TGM6: variants seen among roughly 807,000 people sequenced by gnomAD.
TGM6 encodes transglutaminase 6.
TGM6 carries 74 observed loss-of-function variants against 77.5 expected under a neutral mutation model. The ratio of observed to expected loss-of-function variants is 0.96; its 90% CI spans 0.79 to 1.16. The LOEUF (loss-of-function observed/expected upper bound fraction) is 1.16. Ranked by LOEUF, TGM6 falls within the 50% of genes most tolerant of loss-of-function variation. The probability of loss-of-function intolerance (pLI) is 0.00; values close to 1 mark genes in which losing one functional copy is unlikely to be tolerated. For synonymous variants in TGM6, 383 were observed against 378.9 expected (o/e 1.01, Z -0.12); for missense variants, 968 against 940.2 (o/e 1.03, Z -0.39).
At chr20:2,417,166 C>G in intron 9 of TGM6, 66 bp from the exon 10 acceptor site, 1 of 1,472,610 alleles carries the variant, frequency 6.8e-7, no homozygotes. Flanking sequence ...GTTTGACTTC[C>G]ATGAGCCATA....
At chr20:2,392,910 G>A (rs1280600364) in intron 1 of TGM6, among the ~76,000 whole-genome samples, 4 of 152,094 alleles carry the variant, frequency 2.6e-5, no homozygotes, top group African/African-American at 9.7e-5. Context: ...TTCAGAAAAA[G>A]GAAGGTGCTT....
intron 4 of TGM6, among the ~76,000 whole-genome samples, 189 bp downstream of exon 4, chr20:2,396,813 G>A (rs530069582): frequency 6.6e-6 from 1 of 152,148 alleles, no homozygotes; most frequent in Non-Finnish European, 1.5e-5. Flanking sequence ...CTGGGGAAGG[G>A]GAGGTGCTTT....
chr20:2,403,480 C>T lies in TGM6; in HGVS notation c.1073C>T (p.Thr358Ile), dbSNP rs775263431. The T allele has an allele frequency of 6.2e-7, 1 of 1,614,114 alleles. No homozygotes were observed. Among genetic ancestry groups the T allele is most frequent in the Non-Finnish European group, 8.5e-7 (1 of 1,180,016 alleles). The change falls in exon 8 of 13, where the codon ACC (threonine) becomes ATC (isoleucine). Residue 358 changes from threonine (T) to isoleucine (I), a missense_variant. By Grantham distance (89) the Thr-to-Ile change is moderately conservative (BLOSUM62 -1). Coordinates refer to ENST00000202625, the MANE Select transcript of TGM6 (RefSeq NM_198994.3). ...SYNGWQVLDATPQEESEGVFR... is the reference protein window; with the variant it reads ...SYNGWQVLDAIPQEESEGVFR... ...AATGGCTGGCAGGTTCTGGATGCCA[C>T]CCCCCAGGAGGAGAGTGAAGGTACG...
At chr20:2,421,493 T>C (rs986693664) in intron 10 of TGM6, among the ~76,000 whole-genome samples, 1 of 152,336 alleles carries the variant, frequency 6.6e-6, no homozygotes, top group Non-Finnish European at 1.5e-5. Flanking sequence ...TTGTAATAGG[T>C]GTGTAATAGT....
chr20:2,395,805 C>T (rs1599948457), intron 3 of TGM6, among the ~76,000 whole-genome samples: 1 of 152,150 alleles, frequency 6.6e-6, no homozygotes, highest in East Asian at 1.9e-4. Context: ...TGGTGAACAC[C>T]CATAGGGCTA....
rs546787347 is a variant in TGM6 at position 2,403,978 on chromosome 20, C to T, written c.1336+155C>T. Among the ~76,000 whole-genome samples the T allele has an allele frequency of 3.3e-5, 5 of 152,338 alleles. No individual in the cohort carries two copies. The East Asian group carries it at 7.7e-4, about 24-fold the overall frequency. ...TTGTCTCTGTGCTCTGAGCCAAGTG[C>T]CTTTATTTAGGCTACATTAATAGCT... On this transcript the variant is annotated intron_variant, in intron 9 of 12. Transcript: ENST00000202625.
rs879234545 is a variant in TGM6, at chr20:2,403,291, C to T, written c.990-106C>T. On this transcript the variant is annotated intron_variant, in intron 7 of 12. Coordinates refer to ENST00000202625, the MANE Select transcript of TGM6 (RefSeq NM_198994.3). ...GAATGAGTGATTCACAACATGCAGC[C>T]ACAGTTCTTGTGGAAAGTAGGGAGC... 8.5e-6 allele frequency: 10 copies of T among 1,171,682 alleles called. No homozygotes were observed. In the South Asian group the frequency reaches 1.2e-4, roughly 14 times the overall value. 72.6% of individuals were successfully genotyped at this position (1,171,682 alleles called of 1,614,324 possible).
intron 11 of TGM6, 46 bp from the exon 12 acceptor site, chr20:2,430,848 G>A (rs1311436638): frequency 2.5e-6 from 4 of 1,613,944 alleles, no homozygotes; most frequent in Admixed American, 3.3e-5. Context: ...GTTTCCTGGA[G>A]GGAGGAGGGG....
chr20:2,427,540 T>C (rs1191026782), intron 10 of TGM6, among the ~76,000 whole-genome samples: 4 of 152,218 alleles, frequency 2.6e-5, no homozygotes, highest in African/African-American at 4.8e-5. Context: ...TCAATTTTAC[T>C]GATTTCTGCT....
Position 2,403,722 on chromosome 20 carries a change from G to A in TGM6, c.1235G>A (p.Arg412His), listed in dbSNP as rs142679146. The change falls in exon 9 of 13, where the codon CGT (arginine) becomes CAT (histidine). Residue 412 changes from arginine to histidine, a missense_variant. By Grantham distance (29) the Arg-to-His change is conservative. Coordinates refer to ENST00000202625, the MANE Select transcript of TGM6 (RefSeq NM_198994.3). The stretch of plus-strand genomic sequence containing the variant: ...TGGCACGAGGATGAGAGCCGGGAGC[G>A]TGTATACTCAAACACGAAGAAGATT... ...WLWHEDESRERVYSNTKKIGR... is the reference protein window; with the variant it reads ...WLWHEDESREHVYSNTKKIGR... 7.0e-4 allele frequency: 1,136 copies of A among 1,614,206 alleles called. 3 individuals are homozygous for A. The African/African-American group carries it at 0.012, about 17-fold the overall frequency.
Position 2,432,423 on chromosome 20 carries a change from T to C in TGM6, c.1968-67T>C, listed in dbSNP as rs2084929374. On this transcript the variant is annotated intron_variant, in intron 12 of 12. Transcript: ENST00000202625. ...CCTGAGGAGCCTGGGGAGCCGTGGA[T>C]TGGCAGGCCAGACTCAGAATGGCAA... is the stretch of plus-strand genomic sequence containing the variant. 9 of 1,599,614 alleles carry C rather than the reference T, an allele frequency of 5.6e-6. No homozygotes were observed. The South Asian group carries it at 8.8e-5, about 16-fold the overall frequency.
At chr20:2,426,076 C>G (rs2084885811) in intron 10 of TGM6, among the ~76,000 whole-genome samples, 1 of 152,160 alleles carries the variant, frequency 6.6e-6, no homozygotes, top group South Asian at 2.1e-4. Context: ...TGCATTGAAT[C>G]TATAGATCAA....
chr20:2,396,594 C>T lies in TGM6; in HGVS notation c.513C>T (p.His171=). Residue 171 remains histidine (H), a synonymous_variant, in exon 4 of 13, where the codon CAC becomes CAT. Coordinates refer to ENST00000202625, the MANE Select transcript of TGM6 (RefSeq NM_198994.3). ...TCATCTTCCGAGGCGTGGAGAAGCA[C>T]ATACGAGCCCAGGGCTGGAACTACG... ...SGIIFRGVEK[H]IRAQGWNYGQ... is the part of the protein sequence containing the mutation. 1.2e-6 allele frequency: 2 copies of T among 1,614,204 alleles called. No individual in the cohort carries two copies. Among genetic ancestry groups the T allele is most frequent in the Middle Eastern group, 1.6e-4 (1 of 6,062 alleles).
At chr20:2,392,409 C>T (rs1161508165) in intron 1 of TGM6, among the ~76,000 whole-genome samples, 1 of 152,202 alleles carries the variant, frequency 6.6e-6, no homozygotes, top group Non-Finnish European at 1.5e-5. Flanking sequence ...AGTGTTCTTT[C>T]AGCTCCCATC....
At position 2,395,302 on chromosome 20, in the gene TGM6, T is replaced by G. The variant is rs2084656971; in HGVS notation, c.290T>G (p.Leu97Arg). The G allele has an allele frequency of 2.5e-6, 4 of 1,614,242 alleles. No individual in the cohort carries two copies. Among genetic ancestry groups the G allele is most frequent in the Non-Finnish European group, 3.4e-6 (4 of 1,180,040 alleles). The change falls in exon 3 of 13, where the codon CTG (leucine) becomes CGG (arginine). Residue 97 changes from leucine to arginine, a missense_variant. Physicochemically the swap from Leu to Arg is moderately radical, Grantham distance 102 (BLOSUM62 -2). Transcript: ENST00000202625. ...AAREAQMEKT[L>R]TVSLASPPSA... ...AGGGAGGCTCAGATGGAGAAAACTC[T>G]GACCGTCAGTCTCGCCAGCCCTCCC...
chr20:2,402,895 A>G (rs1178456187), intron 7 of TGM6, among the ~76,000 whole-genome samples: 2 of 152,070 alleles, frequency 1.3e-5, no homozygotes, highest in African/African-American at 2.4e-5. Flanking sequence ...CTCACTTAGG[A>G]CCTTTGCACA....
At chr20:2,391,320 A>G (rs901276316) in intron 1 of TGM6, among the ~76,000 whole-genome samples, 1 of 152,174 alleles carries the variant, frequency 6.6e-6, no homozygotes, top group Non-Finnish European at 1.5e-5. Context: ...TGGACAAAGG[A>G]GAGATGAACT....
chr20:2,415,562 T>A (rs191136369), intron 9 of TGM6, among the ~76,000 whole-genome samples: 23 of 152,254 alleles, frequency 1.5e-4, no homozygotes, highest in African/African-American at 5.3e-4. Context: ...GACCTCATGG[T>A]GAGGCAGTTT....
intron 10 of TGM6, among the ~76,000 whole-genome samples, chr20:2,427,393 T>G (rs36028144): frequency 0.22 from 33,934 of 152,088 alleles, 3,985 homozygotes; most frequent in South Asian, 0.3. Context: ...TGTCCTCTCT[T>G]GCATTTATCA....
Sources: allele counts gnomAD v4.1 joint callset (sites outside exome capture counted in the v4.1 genomes callset), GRCh38; gene constraint gnomAD v4.1.1; transcripts MANE v1.5; gene names NCBI Gene and HGNC (gene_info 2026-07-23, HGNC 2026-07-21).